Variants in LUZP2 observed in about 807,000 individuals in gnomAD.
LUZP2 encodes the protein leucine zipper protein 2.
Under a neutral mutation model 51.6 loss-of-function variants are expected in LUZP2, and 52 were observed. The ratio of observed to expected loss-of-function variants is 1.01; its 90% CI spans 0.81 to 1.27. The LOEUF is 1.27. Ranked by LOEUF, LUZP2 falls within the 50% of genes most tolerant of loss-of-function variation. The pLI is 0.00. For synonymous variants in LUZP2, 154 were observed against 137.3 expected, an observed-to-expected ratio of 1.12 and a Z score of -0.85; for missense variants, 436 against 395.4, an observed-to-expected ratio of 1.10 and a Z score of -0.87.
chr11:24,741,905 C>A lies in LUZP2; in HGVS notation c.333+3603C>A, dbSNP rs1422466601. On this transcript the variant is annotated intron_variant, in intron 4 of 11. Coordinates refer to ENST00000336930, the MANE Select transcript of LUZP2 (RefSeq NM_001009909.4). Reference sequence around the variant, plus strand: ...TATATATTTATATACATATATATTTCTATATAATATATACATTTATATATT... The same window carrying A: ...TATATATTTATATACATATATATTTATATATAATATATACATTTATATATT... 7.1e-5 allele frequency among the ~76,000 whole-genome samples: 8 copies of A among 111,920 alleles called. No individual in the cohort carries two copies. In the South Asian group the frequency reaches 7.3e-4, roughly 10 times the overall value. The allele number at this position is 111,920 out of a possible 152,430, so 73.4% of individuals were successfully genotyped here.
intron 9 of LUZP2, among the ~76,000 whole-genome samples, chr11:25,010,790 T>A (rs960981037): frequency 2.0e-5 from 3 of 151,992 alleles, no homozygotes; most frequent in African/African-American, 7.2e-5. Flanking sequence ...GAGGTTGCAG[T>A]GAGCCAAGAT....
At chr11:24,900,163 T>A (rs770127426) in intron 5 of LUZP2, among the ~76,000 whole-genome samples, 3 of 152,218 alleles carry the variant, frequency 2.0e-5, no homozygotes, top group Non-Finnish European at 4.4e-5. Context: ...TTTGTTATCT[T>A]CTAAGAGTAT....
chr11:24,587,315 A>G (rs1233013455), intron 1 of LUZP2, among the ~76,000 whole-genome samples: 2 of 152,186 alleles, frequency 1.3e-5, no homozygotes, highest in African/African-American at 4.8e-5. Flanking sequence ...AGGAGAATAC[A>G]GTGATGGTTT....
At chr11:24,712,657 T>C (rs1857880042) in intron 1 of LUZP2, among the ~76,000 whole-genome samples, 1 of 151,970 alleles carries the variant, frequency 6.6e-6, no homozygotes, top group African/African-American at 2.4e-5. Flanking sequence ...CTTAGCAAGA[T>C]TTTTTTTATG....
intron 1 of LUZP2, among the ~76,000 whole-genome samples, chr11:24,588,648 AG>A (rs1853155356): frequency 6.6e-6 from 1 of 151,340 alleles, no homozygotes; most frequent in East Asian, 1.9e-4. Flanking sequence ...TTTCCCAAAA[AG>A]ATTATATTTT....
chr11:24,737,848 G>A (rs1237745938), intron 3 of LUZP2, among the ~76,000 whole-genome samples: 1 of 152,036 alleles, frequency 6.6e-6, no homozygotes, highest in Non-Finnish European at 1.5e-5. Flanking sequence ...CAAGTCTATG[G>A]TGACTTTTTC....
chr11:25,031,328 G>T (rs117036103), intron 9 of LUZP2, among the ~76,000 whole-genome samples: 4 of 151,690 alleles, frequency 2.6e-5, no homozygotes, highest in African/African-American at 7.3e-5. Context: ...TTTTGATACC[G>T]TTTGATAAAT....
intron 4 of LUZP2, among the ~76,000 whole-genome samples, chr11:24,745,759 C>A (rs1473770143): frequency 6.6e-6 from 1 of 152,088 alleles, no homozygotes; most frequent in African/African-American, 2.4e-5. Context: ...CTCACTGCAA[C>A]CTCCACCTCC....
At chr11:24,640,069 G>A (rs1855229001) in intron 1 of LUZP2, among the ~76,000 whole-genome samples, 1 of 151,778 alleles carries the variant, frequency 6.6e-6, no homozygotes, top group Admixed American at 6.6e-5. Context: ...CTCCCATAGA[G>A]AAGAGGCATA....
At chr11:24,734,500 C>G (rs1858852923) in intron 3 of LUZP2, among the ~76,000 whole-genome samples, 1 of 151,716 alleles carries the variant, frequency 6.6e-6, no homozygotes, top group Admixed American at 6.6e-5. Flanking sequence ...TTTGGTCTTA[C>G]TAATTCATAG....
At chr11:24,914,045 T>C (rs1328089653) in intron 6 of LUZP2, among the ~76,000 whole-genome samples, 4 of 152,150 alleles carry the variant, frequency 2.6e-5, no homozygotes, top group Non-Finnish European at 2.9e-5. Flanking sequence ...TCCGATCACA[T>C]TTGCTTTTAC....
intron 5 of LUZP2, among the ~76,000 whole-genome samples, chr11:24,798,040 G>C (rs1004005679): frequency 3.9e-5 from 6 of 152,014 alleles, no homozygotes; most frequent in African/African-American, 1.4e-4. Flanking sequence ...TTTGGTTTTA[G>C]TTTTCTTTTG....
intron 9 of LUZP2, among the ~76,000 whole-genome samples, chr11:25,018,466 T>G (rs1231610848): frequency 6.6e-6 from 1 of 152,120 alleles, no homozygotes; most frequent in Non-Finnish European, 1.5e-5. Flanking sequence ...TAAGGAATAT[T>G]TATCTCTTCT....
intron 1 of LUZP2, among the ~76,000 whole-genome samples, chr11:24,607,303 G>C (rs1199705257): frequency 1.5e-5 from 2 of 134,062 alleles, no homozygotes; most frequent in African/African-American, 5.4e-5. Flanking sequence ...TCCATTTTCA[G>C]ATGATTTTGT....
intron 5 of LUZP2, among the ~76,000 whole-genome samples, chr11:24,838,917 A>T (rs1446064553): frequency 6.6e-6 from 1 of 151,626 alleles, no homozygotes; most frequent in Non-Finnish European, 1.5e-5. Flanking sequence ...CTCACGTTTC[A>T]TTCCCAAGTT....
intron 5 of LUZP2, among the ~76,000 whole-genome samples, chr11:24,771,764 C>A (rs80276836): frequency 0.08 from 12,136 of 151,916 alleles, 1,034 homozygotes; most frequent in African/African-American, 0.22. Context: ...GCAGTTTTCC[C>A]CGTACTGTTC....
chr11:24,710,889 CAA>C (rs1159995145), intron 1 of LUZP2, among the ~76,000 whole-genome samples: 2 of 103,354 alleles, frequency 1.9e-5, no homozygotes, highest in African/African-American at 7.5e-5. Context: ...AAATAAGAGA[CAA>C]AGAGAAAGGA....
intron 1 of LUZP2, among the ~76,000 whole-genome samples, chr11:24,569,426 T>C (rs1306323429): frequency 6.6e-6 from 1 of 152,074 alleles, no homozygotes; most frequent in East Asian, 1.9e-4. Context: ...TGTAGACTTC[T>C]ATTCAGTAGG....
chr11:24,566,466 C>A (rs1461149963), intron 1 of LUZP2, among the ~76,000 whole-genome samples: 1 of 148,914 alleles, frequency 6.7e-6, no homozygotes, highest in South Asian at 2.1e-4. Flanking sequence ...GTAGCTGGGA[C>A]TACAGGCACG....
Sources: allele counts gnomAD v4.1 joint callset (sites outside exome capture counted in the v4.1 genomes callset), GRCh38; gene constraint gnomAD v4.1.1; transcripts MANE v1.5; gene names NCBI Gene and HGNC (gene_info 2026-07-23, HGNC 2026-07-21).